The following CNKSR2 variants were observed in gnomAD, a reference collection of about 807,000 sequenced individuals.
CNKSR2 encodes connector enhancer of kinase suppressor of Ras 2.
A neutral mutation model predicts 84.4 loss-of-function variants in CNKSR2; 14 were observed. That is an observed-to-expected ratio of 0.17 (90% CI 0.11 to 0.26). CNKSR2 has a LOEUF of 0.26. Ranked by LOEUF, CNKSR2 falls within the 10% of genes least tolerant of loss-of-function variation. The probability of loss-of-function intolerance (pLI) is 1.00; values close to 1 mark genes in which losing one functional copy is unlikely to be tolerated. For missense variants in CNKSR2, 485 were observed against 771.2 expected (o/e 0.63, Z 4.40); for synonymous variants, 275 against 277.9 (o/e 0.99, Z 0.10).
chrX:21,631,728 A>G (rs1451920845), intron 20 of CNKSR2, among the ~76,000 whole-genome samples: 1 of 112,482 alleles, frequency 8.9e-6, no homozygotes, highest in African/African-American at 3.2e-5. Context: ...ACCTTCTAAT[A>G]TCTCATGCAG....
At chrX:21,451,813 C>T (rs1243196308) in intron 4 of CNKSR2, among the ~76,000 whole-genome samples, 3 of 108,721 alleles carry the variant, frequency 2.8e-5, no homozygotes, top group Admixed American at 2.0e-4. Context: ...CTAACCTGCA[C>T]ATTGTGCACG....
chrX:21,471,613 CTT>C (rs2091199376), intron 5 of CNKSR2, among the ~76,000 whole-genome samples: 1 of 112,254 alleles, frequency 8.9e-6, no homozygotes, highest in Non-Finnish European at 1.9e-5. Context: ...AAAGGAAATA[CTT>C]TTAAAACATC....
chrX:21,550,307 A>G (rs1297353456), intron 11 of CNKSR2, among the ~76,000 whole-genome samples: 1 of 112,661 alleles, frequency 8.9e-6, no homozygotes, highest in African/African-American at 3.2e-5. Context: ...CGACAAACAT[A>G]TGAAAAAAAA....
chrX:21,523,070 G>T (rs769501277), intron 9 of CNKSR2, among the ~76,000 whole-genome samples: 1 of 110,734 alleles, frequency 9.0e-6, no homozygotes, highest in Admixed American at 9.6e-5. Flanking sequence ...GCATGCCAGT[G>T]CCCCCAGAAA....
intron 5 of CNKSR2, among the ~76,000 whole-genome samples, chrX:21,483,593 AAT>A (rs10592013): frequency 0.18 from 17,899 of 98,602 alleles, 2,783 homozygotes; most frequent in African/African-American, 0.49. Context: ...AGTATAATAA[AAT>A]ATATATATAT....
chrX:21,495,197 T>C (rs1343145431), intron 6 of CNKSR2: 2 of 111,792 alleles, frequency 1.8e-5, no homozygotes, highest in African/African-American at 6.5e-5. Flanking sequence ...GTGTGGACTC[T>C]GGAGTCAGAC....
At chrX:21,383,368 A>G (rs1482234397) in intron 1 of CNKSR2, among the ~76,000 whole-genome samples, 1 of 112,911 alleles carries the variant, frequency 8.9e-6, no homozygotes, top group Non-Finnish European at 1.9e-5. Context: ...AAATTTTACT[A>G]AAGTGCAGTA....
At position 21,648,896 on chromosome X, in the gene CNKSR2, A is replaced by G; in HGVS notation, c.2758A>G (p.Ser920Gly). The change falls in exon 21 of 22, where the codon AGT (serine) becomes GGT (glycine). Residue 920 changes from serine (S) to glycine (G), a missense_variant. Ser to Gly is a moderately conservative substitution (Grantham distance 56). Transcript: ENST00000379510. ...TTTATACAGGGCACTGGAGCAGGCC[A>G]GTCTGTCACCACTAGGAGAACATCG... ...QDLYRALEQASLSPLGEHRIS... is the reference protein window; with the variant it reads ...QDLYRALEQAGLSPLGEHRIS... The G allele has an allele frequency of 8.4e-7, 1 of 1,193,132 alleles. No homozygotes were observed. Among genetic ancestry groups the G allele is most frequent in the Non-Finnish European group, 1.1e-6 (1 of 886,850 alleles).
chrX:21,501,517 C>A lies in CNKSR2; in HGVS notation c.742-3C>A. 9.0e-7 allele frequency: 1 copy of A among 1,114,130 alleles called. No individual in the cohort carries two copies. The highest frequency in any genetic ancestry group is 1.2e-6 in the Non-Finnish European group (1 of 824,754). The allele number at this position is 1,114,130 out of a possible 1,213,427, so 91.8% of individuals were successfully genotyped here. A position where few individuals can be genotyped will look rare whatever the true frequency, so the allele number is the denominator to read the frequency against. On this transcript the variant is annotated splice_region_variant and splice_polypyrimidine_tract_variant and intron_variant, in intron 7 of 21. Coordinates refer to ENST00000379510, the MANE Select transcript of CNKSR2 (RefSeq NM_014927.5). ...TTTATCGTTTCTTTTATATTAAATTCAGTCACCTGCAGATCGGTGCAAGAA... is the reference window on the plus strand; with the variant it reads ...TTTATCGTTTCTTTTATATTAAATTAAGTCACCTGCAGATCGGTGCAAGAA...
intron 21 of CNKSR2, among the ~76,000 whole-genome samples, chrX:21,649,720 G>A (rs1166653957): frequency 1.2e-4 from 13 of 111,354 alleles, no homozygotes; most frequent in African/African-American, 4.3e-4. Context: ...GGGGGAGTGT[G>A]GGAGATTGAA....
chrX:21,477,427 A>G (rs2091271639), intron 5 of CNKSR2, among the ~76,000 whole-genome samples: 1 of 106,675 alleles, frequency 9.4e-6, no homozygotes, highest in African/African-American at 3.4e-5. Flanking sequence ...TCTCCAAGCT[A>G]TTTTTTTCTT....
rs1396453925 is a variant in CNKSR2 at position 21,374,712 on chromosome X, C to G, written c.-186C>G. The G allele has an allele frequency of 5.9e-6, 3 of 507,405 alleles. No homozygotes were observed. Among genetic ancestry groups the G allele is most frequent in the East Asian group, 3.7e-5 (1 of 27,160 alleles). 41.8% of individuals were successfully genotyped at this position (507,405 alleles called of 1,213,427 possible). ...TCCTGCACGTTTACCTCCCTGTCGC[C>G]GTTCCTGCCGGCGGTTGGCTAAAAG... On this transcript the variant is annotated 5_prime_UTR_variant, in exon 1 of 22. Coordinates refer to ENST00000379510, the MANE Select transcript of CNKSR2 (RefSeq NM_014927.5).
At chrX:21,443,701 T>G (rs2090815939) in intron 4 of CNKSR2, among the ~76,000 whole-genome samples, 1 of 111,967 alleles carries the variant, frequency 8.9e-6, no homozygotes, top group African/African-American at 3.2e-5. Context: ...GTCTTTCCTG[T>G]AATAAATGTC....
intron 20 of CNKSR2, among the ~76,000 whole-genome samples, chrX:21,630,877 A>G (rs1316815163): frequency 9.0e-6 from 1 of 111,490 alleles, no homozygotes; most frequent in Non-Finnish European, 1.9e-5. Context: ...TAATTAGTGT[A>G]CTTTCCAATT....
chrX:21,467,105 C>A (rs981616418), intron 4 of CNKSR2, among the ~76,000 whole-genome samples: 8 of 111,492 alleles, frequency 7.2e-5, no homozygotes, highest in African/African-American at 2.6e-4. Flanking sequence ...AGTGAGCTGG[C>A]AGATAATGTT....
chrX:21,472,022 G>A (rs1601832582), intron 5 of CNKSR2, among the ~76,000 whole-genome samples: 3 of 111,528 alleles, frequency 2.7e-5, no homozygotes, highest in East Asian at 2.8e-4. Flanking sequence ...TCAACTATTC[G>A]GTTTGAACAC....
chrX:21,582,962 T>C (rs760328943), intron 13 of CNKSR2, among the ~76,000 whole-genome samples: 33 of 111,706 alleles, frequency 3.0e-4, no homozygotes, highest in Non-Finnish European at 5.8e-4. Context: ...GAACATTAAC[T>C]CTGCCCAACC....
chrX:21,515,622 G>A (rs968294606), intron 8 of CNKSR2, among the ~76,000 whole-genome samples: 1 of 111,387 alleles, frequency 9.0e-6, no homozygotes, highest in Non-Finnish European at 1.9e-5. Context: ...TAGGATTTCA[G>A]TTACCTGATA....
chrX:21,603,637 T>C (rs1254336191), intron 18 of CNKSR2, among the ~76,000 whole-genome samples: 1 of 112,499 alleles, frequency 8.9e-6, no homozygotes, highest in Non-Finnish European at 1.9e-5. Context: ...ACATCCGTTG[T>C]TGTACTTAGA....
Sources: allele counts gnomAD v4.1 joint callset (sites outside exome capture counted in the v4.1 genomes callset), GRCh38; gene constraint gnomAD v4.1.1; transcripts MANE v1.5; gene names NCBI Gene and HGNC (gene_info 2026-07-23, HGNC 2026-07-21).